PACRG: variants seen among roughly 807,000 people sequenced by gnomAD.
PACRG encodes parkin coregulated gene protein.
PACRG carries 29 observed loss-of-function variants against 29.7 expected under a neutral mutation model. The ratio of observed to expected loss-of-function variants is 0.98; its 90% confidence interval spans 0.73 to 1.33. The LOEUF is 1.33. Ranked by LOEUF, PACRG falls within the 40% of genes most tolerant of loss-of-function variation. PACRG has a pLI of 0.00. For synonymous variants in PACRG, 116 were observed against 118.7 expected, an observed-to-expected ratio of 0.98 and a Z score of 0.15; for missense variants, 279 against 316.2, an observed-to-expected ratio of 0.88 and a Z score of 0.89.
At chr6:162,823,638 A>G (rs1788029340) in intron 2 of PACRG, among the ~76,000 whole-genome samples, 1 of 151,624 alleles carries the variant, frequency 6.6e-6, no homozygotes, top group South Asian at 2.1e-4. Flanking sequence ...CAGCCTCCCG[A>G]GTAGCTGGGA....
intron 2 of PACRG, among the ~76,000 whole-genome samples, chr6:163,045,482 G>A (rs1809243244): frequency 6.6e-6 from 1 of 151,922 alleles, no homozygotes; most frequent in African/African-American, 2.4e-5. Flanking sequence ...CCGTCAACAC[G>A]CCCGGCTAAT....
At chr6:163,072,336 A>C (rs1221402289) in intron 3 of PACRG, among the ~76,000 whole-genome samples, 1 of 152,154 alleles carries the variant, frequency 6.6e-6, no homozygotes, top group Non-Finnish European at 1.5e-5. Flanking sequence ...CATCATCAAC[A>C]TATGAATGAA....
At chr6:163,269,867 G>GAGAAAGAAAGAGAAAGAGAA (rs1562349501) in intron 4 of PACRG, among the ~76,000 whole-genome samples, 1 of 56,740 alleles carries the variant, frequency 1.8e-5, no homozygotes, top group Non-Finnish European at 3.4e-5. Flanking sequence ...GAGAAAGAAA[G>GAGAAAGAAAGAGAAAGAGAA]AGAAAGAAAG....
chr6:163,018,792 T>G (rs1806335399), intron 2 of PACRG, among the ~76,000 whole-genome samples: 1 of 151,800 alleles, frequency 6.6e-6, no homozygotes, highest in Admixed American at 6.6e-5. Context: ...GTCAGCACTA[T>G]TCTGTTCCGT....
At chr6:163,277,819 T>C (rs1479030849) in intron 4 of PACRG, among the ~76,000 whole-genome samples, 1 of 152,012 alleles carries the variant, frequency 6.6e-6, no homozygotes. Context: ...ATCTTTTTCA[T>C]GTCATGACTT....
chr6:162,754,935 T>C (rs1310596703), intron 1 of PACRG, among the ~76,000 whole-genome samples: 1 of 152,140 alleles, frequency 6.6e-6, no homozygotes, highest in East Asian at 1.9e-4. Context: ...TGGGGGACTT[T>C]TACAGGCATG....
At chr6:162,933,160 T>C (rs1052875096) in intron 2 of PACRG, among the ~76,000 whole-genome samples, 1 of 152,176 alleles carries the variant, frequency 6.6e-6, no homozygotes, top group Non-Finnish European at 1.5e-5. Context: ...CTCCGTACAT[T>C]TGTATTTTCA....
At chr6:163,203,794 G>C (rs1780799894) in intron 4 of PACRG, among the ~76,000 whole-genome samples, 1 of 152,194 alleles carries the variant, frequency 6.6e-6, no homozygotes, top group Non-Finnish European at 1.5e-5. Flanking sequence ...AAAATAAAGA[G>C]AACTTACCTG....
intron 4 of PACRG, among the ~76,000 whole-genome samples, chr6:163,218,687 C>A (rs1781461632): frequency 1.3e-5 from 2 of 152,228 alleles, no homozygotes; most frequent in Non-Finnish European, 2.9e-5. Flanking sequence ...GCCTTGTCCA[C>A]CTGCTCCTCC....
At chr6:162,871,714 C>T (rs1214168428) in intron 2 of PACRG, among the ~76,000 whole-genome samples, 1 of 151,986 alleles carries the variant, frequency 6.6e-6, no homozygotes, top group East Asian at 1.9e-4. Context: ...GTCAGGAAAT[C>T]GAGACCATCC....
intron 2 of PACRG, among the ~76,000 whole-genome samples, chr6:162,949,002 G>T (rs1009958086): frequency 2.0e-5 from 3 of 151,902 alleles, no homozygotes; most frequent in African/African-American, 7.3e-5. Flanking sequence ...TTACTACTCG[G>T]TGTTTATCCA....
At chr6:163,067,647 C>A (rs747151667) in intron 3 of PACRG, among the ~76,000 whole-genome samples, 3 of 152,082 alleles carry the variant, frequency 2.0e-5, no homozygotes, top group Non-Finnish European at 4.4e-5. Context: ...GTTGTTTCCA[C>A]GAAGGATTGG....
chr6:163,210,902 T>G (rs1452120837), intron 4 of PACRG, among the ~76,000 whole-genome samples: 76 of 152,200 alleles, frequency 5.0e-4, no homozygotes. Flanking sequence ...TGGTGAACTG[T>G]CTGGTTGGTT....
chr6:163,189,682 A>G (rs1780112889), intron 4 of PACRG: 1 of 152,236 alleles, frequency 6.6e-6, no homozygotes, highest in Non-Finnish European at 1.5e-5. Flanking sequence ...AATTAATTCC[A>G]TTTAGGTTTC....
intron 4 of PACRG, among the ~76,000 whole-genome samples, chr6:163,292,575 A>ATTAATTATTTATTTAT (rs1554242811): frequency 1.0e-5 from 1 of 97,886 alleles, no homozygotes; most frequent in Admixed American, 1.1e-4. Flanking sequence ...TAATTTATGT[A>ATTAATTATTTATTTAT]TTATTTATTT....
chr6:162,770,848 G>A (rs897313183), intron 1 of PACRG, among the ~76,000 whole-genome samples: 11 of 152,142 alleles, frequency 7.2e-5, no homozygotes, highest in African/African-American at 2.6e-4. Flanking sequence ...ACTGCATGTT[G>A]GTAAGATAAA....
At chr6:163,213,908 A>G (rs1377215346) in intron 4 of PACRG, among the ~76,000 whole-genome samples, 1 of 152,180 alleles carries the variant, frequency 6.6e-6, no homozygotes, top group Non-Finnish European at 1.5e-5. Flanking sequence ...CATTTTTTAA[A>G]ATGATTAGTC....
At chr6:162,958,876 TATATATATAGAGAGAGAG>T (rs1365074242) in intron 2 of PACRG, among the ~76,000 whole-genome samples, 71 of 30,034 alleles carry the variant, frequency 2.4e-3, no homozygotes, top group African/African-American at 5.8e-3. Context: ...TATATATATA[TATATATATAGAGAGAGAG>T]AGAGAGAGAG....
chr6:163,244,612 A>T (rs1782625487), intron 4 of PACRG, among the ~76,000 whole-genome samples: 9 of 152,194 alleles, frequency 5.9e-5, no homozygotes, highest in Admixed American at 5.9e-4. Context: ...CAAGCCCCGG[A>T]GATCAAAAGT....
Sources: gnomAD v4.1 joint callset for allele counts (sites outside exome capture counted in the v4.1 genomes callset) on GRCh38, gnomAD v4.1.1 for gene constraint, MANE v1.5 for transcripts, NCBI Gene and HGNC (gene_info 2026-07-23, HGNC 2026-07-21) for gene names.